The following ARHGAP45 variants were observed in gnomAD, a reference collection of about 807,000 sequenced individuals.
The protein encoded by ARHGAP45 is Rho GTPase activating protein 45.
Under a neutral mutation model 116.1 loss-of-function variants are expected in ARHGAP45, and 56 were observed. The ratio of observed to expected loss-of-function variants is 0.48; its 90% CI spans 0.39 to 0.60. The LOEUF is 0.60. Among genes scored for constraint, ARHGAP45 ranks in the 20% least tolerant of loss-of-function variants. ARHGAP45 has a pLI of 0.00. For synonymous variants in ARHGAP45, 866 were observed against 701.7 expected (o/e 1.23, Z -3.70); for missense variants, 1,622 against 1,601.0 (o/e 1.01, Z -0.22).
chr19:1,074,308 T>C, intron 7 of ARHGAP45, 35 bp from the exon 8 acceptor site: 1 of 1,611,984 alleles, frequency 6.2e-7, no homozygotes, highest in Non-Finnish European at 8.5e-7. Context: ...GGGAAGGCCT[T>C]GTCCCAGCAC....
intron 1 of ARHGAP45, 173 bp downstream of exon 1, chr19:1,067,668 G>C: frequency 4.1e-6 from 3 of 731,946 alleles, no homozygotes; most frequent in East Asian, 2.7e-5. Flanking sequence ...CCGGCATTCA[G>C]CTCACGGTAG....
intron 22 of ARHGAP45, 144 bp from the exon 23 acceptor site, chr19:1,085,516 T>TCTCCTGTCTCTCCCCAACA: frequency 1.6e-6 from 1 of 621,924 alleles, no homozygotes; most frequent in Non-Finnish European, 2.8e-6. Flanking sequence ...CTCCTCCATC[T>TCTCCTGTCTCTCCCCAACA]CTCCTGTCTC....
chr19:1,076,858 C>G (rs1906437499), intron 10 of ARHGAP45: 2 of 178,548 alleles, frequency 1.1e-5, no homozygotes, highest in South Asian at 3.8e-4. Flanking sequence ...TCTCGAGTAG[C>G]TAGGACCACA....
chr19:1,076,615 G>A (rs953005966), intron 10 of ARHGAP45, among the ~76,000 whole-genome samples: 4 of 147,114 alleles, frequency 2.7e-5, no homozygotes, highest in African/African-American at 5.0e-5. Flanking sequence ...TTCTGCCTCA[G>A]CCTCCCAAGT....
At position 1,083,184 on chromosome 19, in the gene ARHGAP45, A is replaced by G. The variant is rs1417253058; in HGVS notation, c.2786A>G (p.Asn929Ser). 1 of 1,610,938 alleles carries G rather than the reference A, an allele frequency of 6.2e-7. No individual in the cohort carries two copies. The stretch of plus-strand genomic sequence containing the variant: ...CAGGACAACAAGATGACCCCCGGGA[A>G]CCTGGGCATCGTGTTCGGGCCCACG... ...VEQDNKMTPG[N>S]LGIVFGPTLL... Residue 929 changes from asparagine (N) to serine (S), a missense_variant, in exon 21 of 23, where the codon AAC (asparagine) becomes AGC (serine). Physicochemically the swap from Asn to Ser is conservative, Grantham distance 46. Transcript: ENST00000313093.
chr19:1,079,878 G>A, intron 12 of ARHGAP45, 38 bp downstream of exon 12: 3 of 1,591,550 alleles, frequency 1.9e-6, no homozygotes, highest in Non-Finnish European at 2.6e-6. Flanking sequence ...CGGGGATGGT[G>A]GACCGGGCGG....
intron 17 of ARHGAP45, 123 bp downstream of exon 17, chr19:1,081,187 G>T: frequency 1.7e-6 from 2 of 1,149,334 alleles, no homozygotes; most frequent in Non-Finnish European, 2.4e-6. Context: ...GACGCCTTTG[G>T]AAGGAAGCGA....
intron 22 of ARHGAP45, among the ~76,000 whole-genome samples, chr19:1,085,338 C>T (rs2043576272): frequency 6.6e-6 from 1 of 152,130 alleles, no homozygotes; most frequent in Non-Finnish European, 1.5e-5. Flanking sequence ...AACCATCCTC[C>T]ACCAGCTCCC....
At chr19:1,085,554 T>TCCTGTCTCTCCATCTCA in intron 22 of ARHGAP45, 106 bp from the exon 23 acceptor site, 1 of 769,994 alleles carries the variant, frequency 1.3e-6, no homozygotes, top group Non-Finnish European at 2.1e-6. Flanking sequence ...TCTCCATCTC[T>TCCTGTCTCTCCATCTCA]CTCCCCCCTC....
rs2043074586 is a variant in ARHGAP45, at chr19:1,068,155, C to G, written c.91-259C>G. Among the ~76,000 whole-genome samples, 1 of 152,136 alleles carries G rather than the reference C, an allele frequency of 6.6e-6. No individual in the cohort carries two copies. The highest frequency in any genetic ancestry group is 6.5e-5 in the Admixed American group (1 of 15,286). On this transcript the variant is annotated intron_variant, in intron 1 of 22. Transcript: ENST00000313093. The surrounding 1 kb of genome is among the most constrained non-coding windows in gnomAD (Gnocchi z 7.5). ...CCCCCACCAGGAAGTGGGGACCCCC[C>G]TCCCGCGCCTCCCCGCAGGCCCCGC...
Position 1,074,658 on chromosome 19 carries a change from G to A in ARHGAP45, c.1038G>A (p.Gln346=). ...CCATCTACTCGCTGGCCCTGGAGCA[G>A]GACCTGGAGTTCGGCCACAGCATGG... is the stretch of plus-strand genomic sequence containing the variant. The part of the protein sequence containing the change: ...LLSIYSLALE[Q]DLEFGHSMVQ... Residue 346 remains glutamine (Q), a synonymous_variant, in exon 9 of 23, where the codon CAG becomes CAA. Coordinates refer to ENST00000313093, the MANE Select transcript of ARHGAP45 (RefSeq NM_012292.5). 1 of 1,610,626 alleles carries A rather than the reference G, an allele frequency of 6.2e-7. No individual in the cohort carries two copies.
intron 22 of ARHGAP45, among the ~76,000 whole-genome samples, 160 bp from the exon 23 acceptor site, chr19:1,085,497 CCCT>C (rs2043585761): frequency 2.0e-5 from 3 of 148,430 alleles, no homozygotes; most frequent in South Asian, 2.1e-4. Flanking sequence ...TCTGTCCCTC[CCCT>C]TGTCTCTCCT....
intron 19 of ARHGAP45, 66 bp from the exon 20 acceptor site, chr19:1,082,774 C>T: frequency 1.5e-6 from 2 of 1,327,342 alleles, no homozygotes; most frequent in South Asian, 1.5e-5. Flanking sequence ...AGGCTGGGGG[C>T]GTGGCAGGCA....
At chr19:1,079,672 CCT>C in intron 11 of ARHGAP45, 29 bp from the exon 12 acceptor site, 2 of 1,610,700 alleles carry the variant, frequency 1.2e-6, no homozygotes, top group Non-Finnish European at 1.7e-6. Context: ...CGGGCTGAGG[CCT>C]CTCTCTGTGC....
intron 22 of ARHGAP45, among the ~76,000 whole-genome samples, chr19:1,085,248 C>T (rs2043572566): frequency 6.6e-6 from 1 of 152,064 alleles, no homozygotes; most frequent in Non-Finnish European, 1.5e-5. Flanking sequence ...TCCGGAAACT[C>T]CAGTTTTTAG....
Position 1,068,887 on chromosome 19 carries a change from A to AGG in ARHGAP45, c.421+144_421+145dup. 2.6e-6 allele frequency: 2 copies of AGG among 770,520 alleles called. No individual in the cohort carries two copies. The highest frequency in any genetic ancestry group is 4.2e-6 in the Non-Finnish European group (2 of 473,622). The allele number at this position is 770,520 out of a possible 1,614,324, so 47.7% of individuals were successfully genotyped here. A position where few individuals can be genotyped will look rare whatever the true frequency, so the allele number is the denominator to read the frequency against. On this transcript the variant is annotated intron_variant, in intron 2 of 22. Coordinates refer to ENST00000313093, the MANE Select transcript of ARHGAP45 (RefSeq NM_012292.5). The surrounding 1 kb of genome is among the most constrained non-coding windows in gnomAD (Gnocchi z 7.5). ...TGTGTGGAAGAGGCCATGACAGCTA[A>AGG]GGCTCTGAGGGATGTGTAGGAGTTT... is the stretch of plus-strand genomic sequence containing the variant.
rs373356889 is a variant in ARHGAP45 at position 1,085,512 on chromosome 19, C to T, written c.3065-148C>T. On this transcript the variant is annotated intron_variant, in intron 22 of 22. Transcript: ENST00000313093. Reference sequence around the variant, plus strand: ...TCTGTCCCTCCCCTTGTCTCTCCTCCATCTCTCCTGTCTCTCCCCATCTCT... The same window carrying T: ...TCTGTCCCTCCCCTTGTCTCTCCTCTATCTCTCCTGTCTCTCCCCATCTCT... 46 of 622,250 alleles carry T rather than the reference C, an allele frequency of 7.4e-5. No homozygotes were observed. The African/African-American group carries it at 8.3e-4, about 11-fold the overall frequency. 38.5% of individuals were successfully genotyped at this position (622,250 alleles called of 1,614,324 possible).
At chr19:1,073,031 T>C (rs897562145) in intron 2 of ARHGAP45, 118 bp from the exon 3 acceptor site, 164 of 1,258,192 alleles carry the variant, frequency 1.3e-4, no homozygotes, top group Non-Finnish European at 1.7e-4. Context: ...ATCTGCCGTC[T>C]TCCACCTCTG....
chr19:1,067,821 C>G (rs1219152024), intron 1 of ARHGAP45: 1 of 603,676 alleles, frequency 1.7e-6, no homozygotes. Flanking sequence ...TCTGGGGGCT[C>G]TAGGGGCCGT....
Sources: gnomAD v4.1 joint callset for allele counts (sites outside exome capture counted in the v4.1 genomes callset) on GRCh38, gnomAD v4.1.1 for gene constraint, Gnocchi (gnomAD v3.1) non-coding constraint, MANE v1.5 for transcripts, NCBI Gene and HGNC (gene_info 2026-07-23, HGNC 2026-07-21) for gene names.